The following APPL2 variants were observed in gnomAD, a reference collection of about 807,000 sequenced individuals.
APPL2 encodes the protein DCC-interacting protein 13-beta.
APPL2 carries 84 observed loss-of-function variants against 92.7 expected under a neutral mutation model. That is an observed-to-expected ratio of 0.91 (90% confidence interval 0.76 to 1.09). The LOEUF is 1.09. APPL2 is among the 50% of genes least tolerant of loss of function. The pLI, the probability that APPL2 is intolerant of heterozygous loss-of-function variation, is 0.00. For missense variants in APPL2, 736 were observed against 824.5 expected, an observed-to-expected ratio of 0.89 and a Z score of 1.31; for synonymous variants, 291 against 291.0, an observed-to-expected ratio of 1.00 and a Z score of 0.00.
At chr12:105,225,869 G>A (rs1890457644) in intron 2 of APPL2, among the ~76,000 whole-genome samples, 1 of 152,194 alleles carries the variant, frequency 6.6e-6, no homozygotes. Context: ...GGTCTCTGAA[G>A]GGCATTCGCA....
chr12:105,200,876 CTAT>C (rs1888129391), intron 9 of APPL2, among the ~76,000 whole-genome samples: 2 of 114,642 alleles, frequency 1.7e-5, no homozygotes, highest in African/African-American at 6.5e-5. Context: ...ATCTATCTAT[CTAT>C]CTATCTATCT....
chr12:105,189,949 T>A, intron 15 of APPL2, 42 bp downstream of exon 15: 1 of 1,611,882 alleles, frequency 6.2e-7, no homozygotes, highest in South Asian at 1.1e-5. Context: ...TACCTCAAAT[T>A]TACTTTCAGT....
chr12:105,178,988 CTTTTT>C (rs1027119353), intron 17 of APPL2, among the ~76,000 whole-genome samples: 1 of 152,000 alleles, frequency 6.6e-6, no homozygotes, highest in South Asian at 2.1e-4. Context: ...CTAGATTTCT[CTTTTT>C]TTATTATTAT....
At chr12:105,222,217 G>A (rs976544679) in intron 2 of APPL2, among the ~76,000 whole-genome samples, 3 of 152,164 alleles carry the variant, frequency 2.0e-5, no homozygotes, top group Non-Finnish European at 4.4e-5. Context: ...TTATTCCAGC[G>A]GCAGTGGGGA....
At chr12:105,229,635 G>A in intron 1 of APPL2, 1 of 993,344 alleles carries the variant, frequency 1.0e-6, no homozygotes, top group South Asian at 4.5e-5. Context: ...TACCTGGGGT[G>A]TGGTCATCTA....
At chr12:105,202,591 T>C (rs959161434) in intron 9 of APPL2, among the ~76,000 whole-genome samples, 8 of 152,206 alleles carry the variant, frequency 5.3e-5, no homozygotes, top group African/African-American at 1.9e-4. Context: ...AAAGTGACCA[T>C]TTAATAGCCT....
chr12:105,200,262 C>A (rs530011075), intron 9 of APPL2, among the ~76,000 whole-genome samples: 1 of 152,324 alleles, frequency 6.6e-6, no homozygotes, highest in Admixed American at 6.5e-5. Context: ...TAAGCAAGTT[C>A]CATAAAGGAA....
intron 5 of APPL2, among the ~76,000 whole-genome samples, chr12:105,209,093 C>T (rs1196755): frequency 0.68 from 103,125 of 151,840 alleles, 36,394 homozygotes; most frequent in East Asian, 1. Context: ...CTTTTATTTC[C>T]TGTTGGAGTC....
At chr12:105,181,297 C>T (rs1453784279) in intron 17 of APPL2, among the ~76,000 whole-genome samples, 1 of 152,098 alleles carries the variant, frequency 6.6e-6, no homozygotes, top group African/African-American at 2.4e-5. Flanking sequence ...GCCTTGCATC[C>T]CAGGGATGAA....
Position 105,176,534 on chromosome 12 carries a change from G to C in APPL2, c.1812+342C>G, listed in dbSNP as rs183926790. Among the ~76,000 whole-genome samples the C allele has an allele frequency of 5.3e-5, 8 of 152,238 alleles. No homozygotes were observed. The East Asian group carries it at 5.8e-4, about 11-fold the overall frequency. ...TAATATCTTCCTTGGTTTTCTCTCT[G>C]AGACTAAATTATTCTCTATTGTAGC... On this transcript the variant is annotated intron_variant, in intron 19 of 20. Transcript: ENST00000258530.
intron 4 of APPL2, among the ~76,000 whole-genome samples, chr12:105,214,966 T>C (rs1055043397): frequency 1.3e-5 from 2 of 152,174 alleles, no homozygotes; most frequent in African/African-American, 4.8e-5. Flanking sequence ...CCCAGAGGGG[T>C]GACGTCCCCA....
intron 14 of APPL2, among the ~76,000 whole-genome samples, chr12:105,191,584 G>A (rs933826947): frequency 3.3e-5 from 5 of 152,142 alleles, no homozygotes; most frequent in Admixed American, 1.3e-4. Flanking sequence ...CCCTTATACC[G>A]TCAGGTGGGG....
In APPL2 at chr12:105,176,820, T is replaced by C; in HGVS notation, c.1812+56A>G. On this transcript the variant is annotated intron_variant, in intron 19 of 20. Transcript: ENST00000258530. ...AAGGAAGTAATGCCAGAAAACTCTT[T>C]TAAAATGGACTTGTTTGGACTGGGA... 4.4e-6 allele frequency: 7 copies of C among 1,581,668 alleles called. No individual in the cohort carries two copies. In the Middle Eastern group the frequency reaches 6.8e-4, roughly 154 times the overall value.
At chr12:105,177,518 C>T in intron 17 of APPL2, 1 of 512,664 alleles carries the variant, frequency 2.0e-6, no homozygotes, top group South Asian at 2.2e-5. Context: ...GATTCTGCAA[C>T]TTACCCAAAC....
chr12:105,235,869 C>T (rs918248552), intron 1 of APPL2, 90 bp downstream of exon 1: 12 of 1,116,998 alleles, frequency 1.1e-5, no homozygotes, highest in Admixed American at 4.4e-5. Context: ...CGCGGCTGCC[C>T]GGCCGGGGGC....
rs1566045159 is a variant in APPL2, at chr12:105,177,006, G to T, written c.1682C>A (p.Thr561Asn). ...ATGAGCAGCAAATTGTGTGACACTGGTAAGTTCAAACTGGGGGGTGGAAAA... is the reference window on the plus strand; with the variant it reads ...ATGAGCAGCAAATTGTGTGACACTGTTAAGTTCAAACTGGGGGGTGGAAAA... ...TQVSRANFEL[T>N]SVTQFAAHQE... The change falls in exon 19 of 21, where the codon ACC (threonine) becomes AAC (asparagine). Residue 561 changes from threonine to asparagine, a missense_variant. Coordinates refer to ENST00000258530, the MANE Select transcript of APPL2 (RefSeq NM_018171.5). 1.2e-6 allele frequency: 2 copies of T among 1,614,034 alleles called. No homozygotes were observed.
intron 16 of APPL2, among the ~76,000 whole-genome samples, 186 bp from the exon 17 acceptor site, chr12:105,188,633 CA>C (rs1886940476): frequency 1.3e-5 from 2 of 152,192 alleles, no homozygotes; most frequent in South Asian, 4.1e-4. Context: ...TACATCTTGT[CA>C]GTTTGTTTGG....
intron 11 of APPL2, 39 bp downstream of exon 11, chr12:105,197,726 A>G (rs1887784671): frequency 3.1e-6 from 5 of 1,612,126 alleles, no homozygotes; most frequent in Non-Finnish European, 1.7e-6. Flanking sequence ...TGGAACCACT[A>G]TACTCATTCT....
intron 2 of APPL2, among the ~76,000 whole-genome samples, chr12:105,222,581 G>C (rs551751151): frequency 6.6e-6 from 1 of 152,158 alleles, no homozygotes; most frequent in Admixed American, 6.5e-5. Flanking sequence ...AAAGTGTGCC[G>C]TTGAGATGTC....
Sources: gnomAD v4.1 joint callset for allele counts (sites outside exome capture counted in the v4.1 genomes callset) on GRCh38, gnomAD v4.1.1 for gene constraint, MANE v1.5 for transcripts, NCBI Gene and HGNC (gene_info 2026-07-23, HGNC 2026-07-21) for gene names.